Variants in TENM4 observed in about 807,000 individuals in gnomAD.
The protein encoded by TENM4 is teneurin transmembrane protein 4, also known as teneurin-4.
A neutral mutation model predicts 243.3 loss-of-function variants in TENM4; 82 were observed. The ratio of observed to expected loss-of-function variants is 0.34; its 90% CI spans 0.28 to 0.40. TENM4 has a LOEUF of 0.40. TENM4 is among the 10% of genes least tolerant of loss of function. TENM4 has a pLI of 1.00. For missense variants in TENM4, 3,138 were observed against 3,673.3 expected, an observed-to-expected ratio of 0.85 and a Z score of 3.77; for synonymous variants, 1,412 against 1,456.3, an observed-to-expected ratio of 0.97 and a Z score of 0.69.
rs187231719 is a variant in TENM4 at position 79,075,195 on chromosome 11, C to T, written c.-65-5186G>A. On this transcript the variant is annotated intron_variant, in intron 4 of 33. Coordinates refer to ENST00000278550, the MANE Select transcript of TENM4 (RefSeq NM_001098816.3). ...TTCATTTAGTTCTCATCATTTCTAC[C>T]TCTGTGAATCGGTCCCATTTTATTG... Among the ~76,000 whole-genome samples the T allele has an allele frequency of 4.6e-5, 7 of 152,372 alleles. No individual in the cohort carries two copies. In the East Asian group the frequency reaches 1.4e-3, roughly 29 times the overall value.
rs778785352 is a variant in TENM4, at chr11:78,669,409, G to C, written c.6936C>G (p.Phe2312Leu). The C allele has an allele frequency of 1.9e-6, 3 of 1,613,406 alleles. No individual in the cohort carries two copies. The highest frequency in any genetic ancestry group is 2.5e-6 in the Non-Finnish European group (3 of 1,179,522). Residue 2312 changes from phenylalanine (F) to leucine (L), a missense_variant, in exon 32 of 34, where the codon TTC (phenylalanine) becomes TTG (leucine). By Grantham distance (22) the Phe-to-Leu change is conservative. Around this residue, in one of 2 missense-constraint regions of TENM4, gnomAD observed 2,467 missense variants for 3,059.1 expected, o/e 0.81. Coordinates refer to ENST00000278550, the MANE Select transcript of TENM4 (RefSeq NM_001098816.3). This position sits in a 1 kb window ranked among gnomAD's most constrained non-coding sequence, Gnocchi z 6.4. ...SKSSHSHHLQ[F>L]FYADLTNPTK... ...TGGGGTTGGTCAGGTCTGCATAGAA[G>C]AACTGCAGGTGGTGGCTGTGGCTGC...
intron 31 of TENM4, among the ~76,000 whole-genome samples, chr11:78,670,759 TTCTC>T (rs1177246734): frequency 6.6e-6 from 1 of 152,172 alleles, no homozygotes; most frequent in Non-Finnish European, 1.5e-5. Context: ...AGATGAGGCT[TTCTC>T]TCAGCCTCAT....
intron 4 of TENM4, among the ~76,000 whole-genome samples, chr11:79,138,311 T>TTATATA (rs1324975719): frequency 0.034 from 3,271 of 96,000 alleles, 204 homozygotes; most frequent in African/African-American, 0.13. Context: ...AAACTCCCCT[T>TTATATA]TATATATATA....
chr11:79,256,846 G>A (rs778078207), intron 2 of TENM4, among the ~76,000 whole-genome samples: 10 of 152,106 alleles, frequency 6.6e-5, no homozygotes, highest in Non-Finnish European at 1.3e-4. Flanking sequence ...ACTCAGTTAC[G>A]TTACTAATCA....
rs117630197 is a variant in TENM4, at chr11:78,893,847, C to T, written c.750-2511G>A. Among the ~76,000 whole-genome samples the T allele has an allele frequency of 7.2e-3, 1,084 of 150,454 alleles. 12 individuals carry two copies. The highest frequency in any genetic ancestry group is 0.024 in the African/African-American group (993 of 40,798). On this transcript the variant is annotated intron_variant, in intron 7 of 33. Transcript: ENST00000278550. ...TTTCTGATGAAAAATAAAGCAATAC[C>T]GGAGCAAGGGGCCAGGAAGTGATTA...
chr11:79,234,205 C>T lies in TENM4; in HGVS notation c.-264-18296G>A, dbSNP rs182081888. On this transcript the variant is annotated intron_variant, in intron 2 of 33. Transcript: ENST00000278550. ...TGCCTGGCACTTTCTTCCCTTTGAC[C>T]TTCTTTTCCTCTGAATGCTTCATTC... 1.8e-3 allele frequency among the ~76,000 whole-genome samples: 274 copies of T among 152,272 alleles called. 1 individual carries two copies. Among genetic ancestry groups the T allele is most frequent in the African/African-American group, 5.9e-3 (246 of 41,558 alleles).
chr11:78,940,429 C>T (rs191835076), intron 6 of TENM4, among the ~76,000 whole-genome samples: 32 of 152,294 alleles, frequency 2.1e-4, no homozygotes, highest in Non-Finnish European at 3.8e-4. Context: ...GACCCCCATC[C>T]CCACTTAGGA....
intron 6 of TENM4, among the ~76,000 whole-genome samples, chr11:79,001,243 G>T (rs1191050572): frequency 1.3e-5 from 2 of 152,172 alleles, no homozygotes; most frequent in Non-Finnish European, 2.9e-5. Flanking sequence ...GCCACTGAGA[G>T]GCTGGGACAT....
At chr11:78,775,294 T>C (rs1856720235) in intron 17 of TENM4, among the ~76,000 whole-genome samples, 1 of 152,194 alleles carries the variant, frequency 6.6e-6, no homozygotes, top group Non-Finnish European at 1.5e-5. Flanking sequence ...CTTGGGCACA[T>C]AGTCCATGCT....
chr11:79,075,309 CCTT>C (rs1860512789), intron 4 of TENM4, among the ~76,000 whole-genome samples: 1 of 152,192 alleles, frequency 6.6e-6, no homozygotes, highest in Non-Finnish European at 1.5e-5. Flanking sequence ...CAACTGCAAA[CCTT>C]CTTTCCAGAA....
intron 27 of TENM4, among the ~76,000 whole-genome samples, chr11:78,706,277 T>G (rs560283616): frequency 2.9e-4 from 44 of 152,208 alleles, no homozygotes; most frequent in African/African-American, 9.9e-4. Context: ...TCTCCACTTC[T>G]TAACAGGTTG....
At chr11:79,131,358 G>A (rs973281335) in intron 4 of TENM4, among the ~76,000 whole-genome samples, 1 of 152,172 alleles carries the variant, frequency 6.6e-6, no homozygotes, top group Non-Finnish European at 1.5e-5. Context: ...AGCCAGAAGG[G>A]ACTGGGGCTC....
intron 1 of TENM4, among the ~76,000 whole-genome samples, chr11:79,342,352 G>A (rs546095470): frequency 4.6e-5 from 7 of 152,184 alleles, no homozygotes; most frequent in Non-Finnish European, 1.0e-4. Flanking sequence ...GCAGAGGCAC[G>A]GAAGAGATAA....
chr11:78,870,172 A>ATAG (rs1455032045), intron 9 of TENM4, among the ~76,000 whole-genome samples: 1 of 152,220 alleles, frequency 6.6e-6, no homozygotes, highest in Non-Finnish European at 1.5e-5. Context: ...AGATAATGTA[A>ATAG]TTTGCTTAGA....
Position 79,170,030 on chromosome 11 carries a change from G to A in TENM4, c.-162-21224C>T, listed in dbSNP as rs376983880. Reference sequence around the variant, plus strand: ...CTTTGCCCCTAAAGAGAGCTGGCTGGCTTTTTGGGCTTTTTGACATTCCCA... The same window carrying A: ...CTTTGCCCCTAAAGAGAGCTGGCTGACTTTTTGGGCTTTTTGACATTCCCA... On this transcript the variant is annotated intron_variant, in intron 3 of 33. Coordinates refer to ENST00000278550, the MANE Select transcript of TENM4 (RefSeq NM_001098816.3). Among the ~76,000 whole-genome samples, 261 of 152,282 alleles carry A rather than the reference G, an allele frequency of 1.7e-3. 1 individual carries two copies. Among genetic ancestry groups the A allele is most frequent in the African/African-American group, 5.9e-3 (244 of 41,566 alleles).
At chr11:78,762,312 T>C (rs563135578) in intron 18 of TENM4, among the ~76,000 whole-genome samples, 1 of 152,032 alleles carries the variant, frequency 6.6e-6, no homozygotes, top group South Asian at 2.1e-4. Flanking sequence ...CACATTCTGG[T>C]AACAGGCCCT....
intron 7 of TENM4, 80 bp downstream of exon 7, chr11:78,903,188 T>C (rs1375694069): frequency 7.0e-7 from 1 of 1,432,760 alleles, no homozygotes. Flanking sequence ...GGACACTGAA[T>C]GGCCCCGCCA....
intron 9 of TENM4, among the ~76,000 whole-genome samples, chr11:78,883,332 C>T (rs1346282989): frequency 6.6e-6 from 1 of 152,234 alleles, no homozygotes; most frequent in East Asian, 1.9e-4. Flanking sequence ...TCCCACTTTG[C>T]AGATGAGGAA....
intron 32 of TENM4, among the ~76,000 whole-genome samples, chr11:78,663,407 A>AT (rs746186663): frequency 3.7e-4 from 56 of 152,224 alleles, no homozygotes; most frequent in Non-Finnish European, 6.6e-4. Flanking sequence ...AGGTGGCCTA[A>AT]TGGGGGGAGT....
Sources: allele counts gnomAD v4.1 joint callset (sites outside exome capture counted in the v4.1 genomes callset), GRCh38; gene constraint gnomAD v4.1.1; regional missense constraint gnomAD v4.1.1; non-coding constraint Gnocchi (gnomAD v3.1); transcripts MANE v1.5; gene names NCBI Gene and HGNC (gene_info 2026-07-23, HGNC 2026-07-21).